CACHD1: variants seen among roughly 807,000 people sequenced by gnomAD.
The protein encoded by CACHD1 is VWFA and cache domain-containing protein 1.
Under a neutral mutation model 138.7 loss-of-function variants are expected in CACHD1, and 71 were observed. The ratio of observed to expected loss-of-function variants is 0.51; its 90% CI spans 0.42 to 0.62. CACHD1 has a LOEUF of 0.62. CACHD1 is among the 20% of genes least tolerant of loss of function. CACHD1 has a pLI of 0.00. For missense variants in CACHD1, 1,389 were observed against 1,625.3 expected, an observed-to-expected ratio of 0.85 and a Z score of 2.50; for synonymous variants, 578 against 591.5, an observed-to-expected ratio of 0.98 and a Z score of 0.33.
intron 4 of CACHD1, among the ~76,000 whole-genome samples, chr1:64,606,931 T>C (rs1485201580): frequency 6.6e-6 from 1 of 152,156 alleles, no homozygotes; most frequent in East Asian, 1.9e-4. Flanking sequence ...TGGGGAATGC[T>C]GGGAGAAGAG....
chr1:64,664,918 A>C (rs11208496), intron 15 of CACHD1, among the ~76,000 whole-genome samples: 34,764 of 152,098 alleles, frequency 0.23, 6,591 homozygotes, highest in East Asian at 0.75. Flanking sequence ...TATGCTTGGC[A>C]ATTTTAATTC....
intron 2 of CACHD1, among the ~76,000 whole-genome samples, chr1:64,575,073 T>A (rs1244448301): frequency 6.6e-6 from 1 of 152,236 alleles, no homozygotes; most frequent in Non-Finnish European, 1.5e-5. Flanking sequence ...CCCCAGTTAC[T>A]ACTACCTTTC....
intron 4 of CACHD1, among the ~76,000 whole-genome samples, chr1:64,616,700 C>T (rs1647718890): frequency 6.6e-6 from 1 of 151,914 alleles, no homozygotes; most frequent in African/African-American, 2.4e-5. Flanking sequence ...AGCCAACCAA[C>T]TGAGAGATTT....
intron 15 of CACHD1, among the ~76,000 whole-genome samples, chr1:64,665,609 G>C (rs1040425797): frequency 6.6e-6 from 1 of 152,170 alleles, no homozygotes; most frequent in Non-Finnish European, 1.5e-5. Context: ...AGATACAAAA[G>C]ATGAGAATCC....
At chr1:64,490,666 C>T (rs1376162529) in intron 1 of CACHD1, among the ~76,000 whole-genome samples, 1 of 152,140 alleles carries the variant, frequency 6.6e-6, no homozygotes, top group Non-Finnish European at 1.5e-5. Context: ...AAATAGCTTG[C>T]CTTTTAAGAA....
rs1168427278 is a variant in CACHD1 at position 64,629,463 on chromosome 1, G to T, written c.626G>T (p.Ser209Ile). 1.2e-6 allele frequency: 2 copies of T among 1,614,114 alleles called. No individual in the cohort carries two copies. The highest frequency in any genetic ancestry group is 2.2e-5 in the East Asian group (1 of 44,884). Residue 209 changes from serine (S) to isoleucine (I), a missense_variant, in exon 5 of 27, where the codon AGC becomes ATC. This residue lies in a region of CACHD1 where 1,000 missense variants were observed against 1,114.7 expected (regional missense o/e 0.90). Transcript: ENST00000651257. ...FPAHKFRCKG[S>I]YEHRSRPIYV... Reference sequence around the variant, plus strand: ...GCACACAAGTTCCGGTGTAAGGGCAGCTACGAACACCGCAGTAGGTATGTT... The same window carrying T: ...GCACACAAGTTCCGGTGTAAGGGCATCTACGAACACCGCAGTAGGTATGTT...
rs1211987642 is a variant in CACHD1, at chr1:64,676,930, C to T, written c.3011C>T (p.Thr1004Ile). The T allele has an allele frequency of 1.2e-6, 2 of 1,613,936 alleles. No individual in the cohort carries two copies. Among genetic ancestry groups the T allele is most frequent in the Admixed American group, 3.3e-5 (2 of 60,018 alleles). The part of the protein sequence containing the change: ...PSCEVHQEPV[T>I]YTAIDPGLQD... ...TGCGAGGTCCACCAGGAGCCGGTGA[C>T]ATACACAGCTATTGACCCTGGCCTG... Residue 1004 changes from threonine to isoleucine, a missense_variant, in exon 22 of 27, where the codon ACA becomes ATA. Around this residue, in one of 5 missense-constraint regions of CACHD1, gnomAD observed 250 missense variants for 292.9 expected, o/e 0.85. Coordinates refer to ENST00000651257, the MANE Select transcript of CACHD1 (RefSeq NM_020925.4).
At chr1:64,544,662 TA>T (rs1361643127) in intron 1 of CACHD1, among the ~76,000 whole-genome samples, 2 of 149,376 alleles carry the variant, frequency 1.3e-5, no homozygotes, top group Admixed American at 6.7e-5. Flanking sequence ...GGAGTAGAGG[TA>T]GGGGGAACTG....
At chr1:64,673,116 A>AAACAGCTG in intron 17 of CACHD1, 42 bp from the exon 18 acceptor site, 2 of 1,523,580 alleles carry the variant, frequency 1.3e-6, no homozygotes, top group Admixed American at 3.6e-5. Context: ...AAAAAAAAAA[A>AAACAGCTG]ACAGCTGATA....
At chr1:64,661,551 T>C (rs1348854018) in intron 13 of CACHD1, among the ~76,000 whole-genome samples, 1 of 152,158 alleles carries the variant, frequency 6.6e-6, no homozygotes, top group African/African-American at 2.4e-5. Flanking sequence ...CTTTGACACT[T>C]CTTATATTAT....
Position 64,653,870 on chromosome 1 carries a change from A to G in CACHD1, c.1653A>G (p.Gln551=). Residue 551 remains glutamine (Q), a synonymous_variant, in exon 11 of 27, where the codon CAA becomes CAG. Coordinates refer to ENST00000651257, the MANE Select transcript of CACHD1 (RefSeq NM_020925.4). ...ENIPKFELVR[Q]NILSLPLGSQ... ...TTCCAAAATTTGAATTAGTTCGGCAAAATATCCTAAGGTAAGGAAAAGGTG... is the reference window on the plus strand; with the variant it reads ...TTCCAAAATTTGAATTAGTTCGGCAGAATATCCTAAGGTAAGGAAAAGGTG... 1 of 1,613,228 alleles carries G rather than the reference A, an allele frequency of 6.2e-7. No individual in the cohort carries two copies. Among genetic ancestry groups the G allele is most frequent in the South Asian group, 1.1e-5 (1 of 91,044 alleles).
chr1:64,492,041 G>T (rs1271157515), intron 1 of CACHD1, among the ~76,000 whole-genome samples: 1 of 150,998 alleles, frequency 6.6e-6, no homozygotes, highest in East Asian at 2.0e-4. Flanking sequence ...CCTTTCACTA[G>T]TTTTTTTTCT....
At chr1:64,680,346 G>A (rs983439685) in intron 24 of CACHD1, among the ~76,000 whole-genome samples, 6 of 151,974 alleles carry the variant, frequency 3.9e-5, no homozygotes, top group Non-Finnish European at 4.4e-5. Context: ...AAAACTAGCC[G>A]GTGCGGTGGC....
intron 1 of CACHD1, among the ~76,000 whole-genome samples, chr1:64,493,501 T>C (rs1397509550): frequency 6.6e-6 from 1 of 152,242 alleles, no homozygotes; most frequent in African/African-American, 2.4e-5. Context: ...GGAAAGTGCA[T>C]ATTACCACAT....
rs144943477 is a variant in CACHD1, at chr1:64,640,482, C to T, written c.1007-1338C>T. Reference sequence around the variant, plus strand: ...TTTGAGGTCAGGAGTTCAAGACCAGCCTGGCCAACATGGTGAAACCCCATC... The same window carrying T: ...TTTGAGGTCAGGAGTTCAAGACCAGTCTGGCCAACATGGTGAAACCCCATC... On this transcript the variant is annotated intron_variant, in intron 7 of 26. Coordinates refer to ENST00000651257, the MANE Select transcript of CACHD1 (RefSeq NM_020925.4). Among the ~76,000 whole-genome samples, 701 of 152,188 alleles carry T rather than the reference C, an allele frequency of 4.6e-3. 3 individuals carry two copies. The highest frequency in any genetic ancestry group is 0.016 in the African/African-American group (676 of 41,522).
intron 12 of CACHD1, among the ~76,000 whole-genome samples, chr1:64,657,842 C>G (rs550448551): frequency 8.6e-4 from 131 of 152,200 alleles, no homozygotes; most frequent in Non-Finnish European, 1.5e-3. Flanking sequence ...ATTTATAAAC[C>G]ATCTTTAAAT....
chr1:64,651,398 G>A (rs1274590371), intron 9 of CACHD1, among the ~76,000 whole-genome samples: 1 of 152,064 alleles, frequency 6.6e-6, no homozygotes, highest in Non-Finnish European at 1.5e-5. Flanking sequence ...CATTAATGGG[G>A]TATAGTAATA....
chr1:64,608,885 G>A (rs865799666), intron 4 of CACHD1, among the ~76,000 whole-genome samples: 1 of 152,174 alleles, frequency 6.6e-6, no homozygotes, highest in African/African-American at 2.4e-5. Flanking sequence ...TGCAATTGAG[G>A]TGAGAGTGAA....
intron 2 of CACHD1, among the ~76,000 whole-genome samples, chr1:64,581,937 A>G (rs1349414532): frequency 6.6e-6 from 1 of 152,216 alleles, no homozygotes; most frequent in African/African-American, 2.4e-5. Flanking sequence ...ACAAGAAGAT[A>G]TAATTTTACT....
Sources: gnomAD v4.1 joint callset for allele counts (sites outside exome capture counted in the v4.1 genomes callset) on GRCh38, gnomAD v4.1.1 for gene constraint, gnomAD v4.1.1 regional missense constraint, MANE v1.5 for transcripts, NCBI Gene and HGNC (gene_info 2026-07-23, HGNC 2026-07-21) for gene names.